DMXL1: variants seen among roughly 807,000 people sequenced by gnomAD.
The protein encoded by DMXL1 is dmX-like protein 1.
In DMXL1, 99 loss-of-function variants were observed where a neutral mutation model predicts 319.2. That is an observed-to-expected ratio of 0.31 (90% CI 0.26 to 0.37). The LOEUF is 0.37. Among genes scored for constraint, DMXL1 ranks in the 10% least tolerant of loss-of-function variants. The pLI is 1.00. For missense variants in DMXL1, 3,745 were observed against 3,595.6 expected (o/e 1.04, Z -1.06); for synonymous variants, 1,385 against 1,235.2 (o/e 1.12, Z -2.54).
At chr5:119,134,221 C>G in intron 12 of DMXL1, 43 bp downstream of exon 12, 1 of 1,605,382 alleles carries the variant, frequency 6.2e-7, no homozygotes, top group Non-Finnish European at 8.5e-7. Flanking sequence ...GATTTGCTGA[C>G]ATTATCATCA....
chr5:119,193,978 A>G lies in DMXL1; in HGVS notation c.7457+8A>G. On this transcript the variant is annotated splice_region_variant and intron_variant, in intron 30 of 43. Transcript: ENST00000539542. ...TAATTCAAATTCATATAGGTATGGT[A>G]TATTTTATTTTAAATTTCTTTTTAA... is the stretch of plus-strand genomic sequence containing the variant. The G allele has an allele frequency of 6.6e-7, 1 of 1,506,600 alleles. No individual in the cohort carries two copies. The highest frequency in any genetic ancestry group is 8.9e-7 in the Non-Finnish European group (1 of 1,123,788). 93.3% of individuals were successfully genotyped at this position (1,506,600 alleles called of 1,614,324 possible).
chr5:119,087,825 A>G (rs1413635992), intron 1 of DMXL1, among the ~76,000 whole-genome samples: 2 of 151,722 alleles, frequency 1.3e-5, no homozygotes, highest in Non-Finnish European at 2.9e-5. Context: ...TTTTTGAGAC[A>G]GAGTCTCGTT....
rs781612385 is a variant in DMXL1 at position 119,171,185 on chromosome 5, A to G, written c.6394A>G (p.Met2132Val). The change falls in exon 24 of 44, where the codon ATG becomes GTG. Residue 2132 changes from methionine (M) to valine (V), a missense_variant. Physicochemically the swap from Met to Val is conservative, Grantham distance 21 (BLOSUM62 1). Transcript: ENST00000539542. The stretch of plus-strand genomic sequence containing the variant: ...CTTGAAGTATCAGTCACTTTTGAGA[A>G]TGTTTCTTAGTTACTGCATACTTCA... ...WLLKYQSLLR[M>V]FLSYCILHGS... The G allele has an allele frequency of 1.2e-6, 2 of 1,613,980 alleles. No individual in the cohort carries two copies. Among genetic ancestry groups the G allele is most frequent in the East Asian group, 2.2e-5 (1 of 44,876 alleles).
intron 21 of DMXL1, among the ~76,000 whole-genome samples, chr5:119,165,831 C>T (rs1474153587): frequency 6.6e-6 from 1 of 152,202 alleles, no homozygotes; most frequent in East Asian, 1.9e-4. Context: ...GATTCAGTTA[C>T]CTCCCACTGG....
chr5:119,125,185 G>T (rs922794239), intron 9 of DMXL1, among the ~76,000 whole-genome samples: 3 of 152,110 alleles, frequency 2.0e-5, no homozygotes, highest in Non-Finnish European at 4.4e-5. Flanking sequence ...CAAAAATAGA[G>T]AACTACAATA....
intron 9 of DMXL1, among the ~76,000 whole-genome samples, chr5:119,123,075 T>C (rs7709601): frequency 4.1e-4 from 62 of 151,992 alleles, no homozygotes; most frequent in African/African-American, 1.4e-3. Flanking sequence ...CCGAGGCTGG[T>C]GGATCACTCG....
intron 9 of DMXL1, among the ~76,000 whole-genome samples, chr5:119,125,884 AAAAC>A (rs1763440919): frequency 6.6e-6 from 1 of 152,232 alleles, no homozygotes; most frequent in African/African-American, 2.4e-5. Context: ...TAAAAAATCC[AAAAC>A]AAACAAAGGT....
chr5:119,082,014 TATATATACACACACACACACACACACAC>T (rs1752314999), intron 1 of DMXL1, among the ~76,000 whole-genome samples: 1 of 73,044 alleles, frequency 1.4e-5, no homozygotes, highest in African/African-American at 4.3e-5. Context: ...TATATATATA[TATATATACACACACACACACACACACAC>T]ACACACACAC....
intron 1 of DMXL1, among the ~76,000 whole-genome samples, chr5:119,093,904 C>G (rs1317473278): frequency 3.9e-5 from 6 of 152,210 alleles, no homozygotes; most frequent in African/African-American, 1.4e-4. Flanking sequence ...AGGACCCTAA[C>G]TCTTCTCAAT....
chr5:119,150,538 C>G, intron 18 of DMXL1, 117 bp downstream of exon 18: 1 of 1,184,722 alleles, frequency 8.4e-7, no homozygotes. Context: ...CCTGTAAATT[C>G]AGCTCTTTGG....
chr5:119,132,749 A>G (rs1765211215), intron 10 of DMXL1: 2 of 536,614 alleles, frequency 3.7e-6, no homozygotes, highest in Admixed American at 2.0e-5. Flanking sequence ...GCTGCTGGCT[A>G]TGAAACTCAC....
intron 19 of DMXL1, among the ~76,000 whole-genome samples, chr5:119,162,441 G>T (rs913792613): frequency 3.3e-5 from 5 of 152,176 alleles, no homozygotes; most frequent in Non-Finnish European, 5.9e-5. Context: ...GACACCAGCA[G>T]ATTTGGTGTC....
chr5:119,088,240 T>C (rs995593589), intron 1 of DMXL1, among the ~76,000 whole-genome samples: 1 of 152,238 alleles, frequency 6.6e-6, no homozygotes, highest in African/African-American at 2.4e-5. Flanking sequence ...ATTTGTAGCG[T>C]ATTTTATCTG....
chr5:119,217,393 T>C (rs1373094808), intron 35 of DMXL1, among the ~76,000 whole-genome samples: 2 of 152,190 alleles, frequency 1.3e-5, no homozygotes, highest in East Asian at 3.8e-4. Context: ...ATACCTCCGA[T>C]AGCTGCCCAA....
At chr5:119,179,925 A>G (rs570728318) in intron 28 of DMXL1, among the ~76,000 whole-genome samples, 4 of 152,328 alleles carry the variant, frequency 2.6e-5, no homozygotes, top group African/African-American at 4.8e-5. Context: ...CTTTTTCTGT[A>G]AAAAGCCAAA....
At chr5:119,190,345 C>T (rs1778490414) in intron 29 of DMXL1, among the ~76,000 whole-genome samples, 1 of 152,164 alleles carries the variant, frequency 6.6e-6, no homozygotes, top group Non-Finnish European at 1.5e-5. Context: ...TTTGTTACCA[C>T]AGTGTATTAA....
At chr5:119,096,281 A>G (rs1401694985) in intron 1 of DMXL1, among the ~76,000 whole-genome samples, 2 of 151,046 alleles carry the variant, frequency 1.3e-5, no homozygotes, top group Admixed American at 6.6e-5. Context: ...GGTTCAAGCG[A>G]TTCTCCTGCC....
intron 26 of DMXL1, 105 bp downstream of exon 26, chr5:119,175,442 T>C: frequency 1.3e-6 from 1 of 776,334 alleles, no homozygotes; most frequent in Non-Finnish European, 2.0e-6. Context: ...TTTTAAATAA[T>C]GCAAAAAGCA....
chr5:119,114,163 C>T (rs998355659), intron 5 of DMXL1, among the ~76,000 whole-genome samples: 2 of 152,140 alleles, frequency 1.3e-5, no homozygotes, highest in African/African-American at 4.8e-5. Context: ...ATCCATGGTT[C>T]TGGAAACTAG....
Sources: allele counts gnomAD v4.1 joint callset (sites outside exome capture counted in the v4.1 genomes callset), GRCh38; gene constraint gnomAD v4.1.1; transcripts MANE v1.5; gene names NCBI Gene and HGNC (gene_info 2026-07-23, HGNC 2026-07-21).